The following TMEM132B variants were observed in gnomAD, a reference collection of about 807,000 sequenced individuals.
The protein encoded by TMEM132B is transmembrane protein 132B.
In TMEM132B, 18 loss-of-function variants were observed where a neutral mutation model predicts 90.8. The observed-to-expected ratio is 0.20, with a 90% confidence interval of 0.14 to 0.29. The LOEUF (loss-of-function observed/expected upper bound fraction) is 0.29, where lower values mean the gene tolerates loss of function less well. Among genes scored for constraint, TMEM132B ranks in the 10% least tolerant of loss-of-function variants. The pLI is 1.00. For synonymous variants in TMEM132B, 504 were observed against 523.3 expected (o/e 0.96, Z 0.50); for missense variants, 1,096 against 1,326.8 (o/e 0.83, Z 2.70).
At chr12:125,433,031 T>A (rs1254590567) in intron 3 of TMEM132B, among the ~76,000 whole-genome samples, 1 of 152,154 alleles carries the variant, frequency 6.6e-6, no homozygotes, top group Non-Finnish European at 1.5e-5. Flanking sequence ...CACCTGCATC[T>A]TACTTTAAGC....
rs1478531176 is a variant in TMEM132B at position 125,527,221 on chromosome 12, CCCATCCACCCTT to C, written c.1293+7607_1293+7618del. ...ATCCACCCTTCCATCCATCCATCCACCCATCCACCCTTCCATCCACCCATCCACCCTTCCATC... is the reference window on the plus strand; with the variant it reads ...ATCCACCCTTCCATCCATCCATCCACCCATCCACCCATCCACCCTTCCATC... On this transcript the variant is annotated intron_variant, in intron 4 of 8. Transcript: ENST00000682704. Among the ~76,000 whole-genome samples, 3 of 139,370 alleles carry C rather than the reference CCCATCCACCCTT, an allele frequency of 2.2e-5. No homozygotes were observed. In the East Asian group the frequency reaches 6.6e-4, roughly 31 times the overall value. The allele number at this position is 139,370 out of a possible 152,430, so 91.4% of individuals were successfully genotyped here. A position where few individuals can be genotyped will look rare whatever the true frequency, so the allele number is the denominator to read the frequency against.
intron 3 of TMEM132B, among the ~76,000 whole-genome samples, chr12:125,495,241 G>A (rs527932182): frequency 3.4e-4 from 3 of 8,736 alleles, no homozygotes; most frequent in Non-Finnish European, 6.4e-4. Context: ...GGCCGTGTCC[G>A]TCCTCCCCCT....
intron 4 of TMEM132B, among the ~76,000 whole-genome samples, chr12:125,578,166 A>G: frequency 6.6e-6 from 1 of 152,022 alleles, no homozygotes; most frequent in East Asian, 1.9e-4. Context: ...TGATCTTATG[A>G]CTAGTTGTTC....
At position 125,281,889 on chromosome 12, in the gene TMEM132B, G is replaced by A. The variant is rs1055345986; in HGVS notation, c.68-67563G>A. ...TAAATATACAAAAAATTAGCCGGGC[G>A]AGGTGGCAGGCGCCTGTAGTCCCAG... On this transcript the variant is annotated intron_variant, in intron 1 of 8. Transcript: ENST00000682704. Among the ~76,000 whole-genome samples, 78 of 151,638 alleles carry A rather than the reference G, an allele frequency of 5.1e-4. 2 individuals carry two copies. The highest frequency in any genetic ancestry group is 1.2e-4 in the Non-Finnish European group (8 of 67,890).
At chr12:125,451,301 G>T (rs1222182467) in intron 3 of TMEM132B, among the ~76,000 whole-genome samples, 1 of 152,118 alleles carries the variant, frequency 6.6e-6, no homozygotes, top group Non-Finnish European at 1.5e-5. Context: ...GTATTTAGGG[G>T]TAAGTGGCCA....
chr12:125,305,004 T>A (rs1424015962), intron 1 of TMEM132B, among the ~76,000 whole-genome samples: 1 of 152,122 alleles, frequency 6.6e-6, no homozygotes, highest in African/African-American at 2.4e-5. Context: ...AAGTAAGACA[T>A]TTGCTTTGCT....
At chr12:125,388,239 C>A (rs983937406) in intron 2 of TMEM132B, among the ~76,000 whole-genome samples, 3 of 152,116 alleles carry the variant, frequency 2.0e-5, no homozygotes, top group Non-Finnish European at 4.4e-5. Flanking sequence ...ACCAGCCTGA[C>A]TGACATAGTG....
intron 3 of TMEM132B, among the ~76,000 whole-genome samples, chr12:125,447,290 T>C (rs565040729): frequency 1.3e-5 from 2 of 152,300 alleles, no homozygotes; most frequent in East Asian, 1.9e-4. Flanking sequence ...CTGTTTTTTT[T>C]TGAATTAAAT....
chr12:125,356,038 G>A (rs1877761614), intron 2 of TMEM132B, among the ~76,000 whole-genome samples: 1 of 152,110 alleles, frequency 6.6e-6, no homozygotes, highest in Non-Finnish European at 1.5e-5. Context: ...GGCTGGAGTT[G>A]GGGTAGGTCT....
chr12:125,425,906 C>T (rs753397515), intron 3 of TMEM132B, among the ~76,000 whole-genome samples: 4 of 152,106 alleles, frequency 2.6e-5, no homozygotes, highest in African/African-American at 9.7e-5. Context: ...CTACTATAAA[C>T]GTTCATATTC....
chr12:125,581,983 T>C (rs968046021), intron 4 of TMEM132B, among the ~76,000 whole-genome samples: 2 of 152,156 alleles, frequency 1.3e-5, no homozygotes, highest in Non-Finnish European at 2.9e-5. Flanking sequence ...GATTTATCTC[T>C]TTAAAATTTC....
At position 125,583,871 on chromosome 12, in the gene TMEM132B, T is replaced by C. The variant is rs6489006; in HGVS notation, c.1314T>C (p.Thr438=). 1,501,899 of 1,613,974 alleles carry C rather than the reference T, an allele frequency of 0.93. 699,401 individuals are homozygous for C. The highest frequency in any genetic ancestry group is 0.95 in the Admixed American group (57,293 of 60,024). ...PLAMDTEVLN[T]AILTGKPVSV... ...TTTAGGACACCGAGGTTTTGAACAC[T>C]GCCATTCTCACTGGAAAGCCTGTTT... The change falls in exon 5 of 9, where the codon ACT becomes ACC. Residue 438 remains threonine, a synonymous_variant. Transcript: ENST00000682704.
chr12:125,495,337 G>A (rs945881003), intron 3 of TMEM132B, among the ~76,000 whole-genome samples: 1 of 138,774 alleles, frequency 7.2e-6, no homozygotes, highest in Non-Finnish European at 1.5e-5. Context: ...GGAAATGGCT[G>A]TGTCCCTCCT....
chr12:125,481,085 C>G (rs1249472079), intron 3 of TMEM132B, among the ~76,000 whole-genome samples: 1 of 152,094 alleles, frequency 6.6e-6, no homozygotes. Context: ...GCACAATAAA[C>G]TAGGTATTGA....
intron 1 of TMEM132B, among the ~76,000 whole-genome samples, chr12:125,345,040 C>G (rs893384281): frequency 6.6e-6 from 1 of 152,136 alleles, no homozygotes; most frequent in African/African-American, 2.4e-5. Context: ...TGATTATTCC[C>G]GCGGTACCCA....
At chr12:125,470,739 T>TG (rs908056804) in intron 3 of TMEM132B, among the ~76,000 whole-genome samples, 38 of 152,286 alleles carry the variant, frequency 2.5e-4, no homozygotes, top group Admixed American at 2.2e-3. Flanking sequence ...GGGTCACTCC[T>TG]GGGGGGTTTG....
At chr12:125,352,409 CTT>C (rs774808839) in intron 2 of TMEM132B, among the ~76,000 whole-genome samples, 2 of 152,200 alleles carry the variant, frequency 1.3e-5, no homozygotes, top group Non-Finnish European at 2.9e-5. Context: ...ACAAGGCTGT[CTT>C]TTCCTAATTT....
intron 4 of TMEM132B, among the ~76,000 whole-genome samples, chr12:125,573,155 G>A (rs1017260449): frequency 6.6e-6 from 1 of 152,120 alleles, no homozygotes; most frequent in African/African-American, 2.4e-5. Flanking sequence ...CTGGGTACTA[G>A]GTGTGCTGAT....
At chr12:125,648,530 G>GT (rs60114108) in intron 6 of TMEM132B, among the ~76,000 whole-genome samples, 15,848 of 132,322 alleles carry the variant, frequency 0.12, 1,215 homozygotes, top group Admixed American at 0.26. Flanking sequence ...AAGATCTCCT[G>GT]TTTTTTTTTT....
Sources: gnomAD v4.1 joint callset for allele counts (sites outside exome capture counted in the v4.1 genomes callset) on GRCh38, gnomAD v4.1.1 for gene constraint, MANE v1.5 for transcripts, NCBI Gene and HGNC (gene_info 2026-07-23, HGNC 2026-07-21) for gene names.